The following PTPRD variants were observed in gnomAD, a reference collection of about 807,000 sequenced individuals.
PTPRD encodes the protein receptor-type tyrosine-protein phosphatase delta.
PTPRD carries 34 observed loss-of-function variants against 214.5 expected under a neutral mutation model. The observed-to-expected ratio is 0.16, with a 90% CI of 0.12 to 0.21. The LOEUF (loss-of-function observed/expected upper bound fraction) is 0.21, where lower values mean the gene tolerates loss of function less well. Ranked by LOEUF, PTPRD falls within the 10% of genes least tolerant of loss-of-function variation. The probability of loss-of-function intolerance (pLI) is 1.00; values close to 1 mark genes in which losing one functional copy is unlikely to be tolerated. For synonymous variants in PTPRD, 1,128 were observed against 845.7 expected (o/e 1.33, Z -5.79); for missense variants, 2,545 against 2,398.7 (o/e 1.06, Z -1.27).
intron 35 of PTPRD, among the ~76,000 whole-genome samples, chr9:8,414,830 G>C (rs985560791): frequency 3.4e-5 from 5 of 145,356 alleles, no homozygotes; most frequent in African/African-American, 1.3e-4. Flanking sequence ...CATCAGTCAG[G>C]CATGTACATG....
chr9:9,992,681 C>A (rs1200049754), intron 4 of PTPRD, among the ~76,000 whole-genome samples: 1 of 151,966 alleles, frequency 6.6e-6, no homozygotes, highest in South Asian at 2.1e-4. Context: ...ACCATCATTA[C>A]GAGCAAACTA....
intron 10 of PTPRD, among the ~76,000 whole-genome samples, chr9:9,121,394 G>A (rs1167638257): frequency 6.6e-6 from 1 of 152,024 alleles, no homozygotes; most frequent in Non-Finnish European, 1.5e-5. Context: ...AGCAGCACAA[G>A]TCACAATAGG....
chr9:10,451,490 G>T (rs2098841306), intron 2 of PTPRD, among the ~76,000 whole-genome samples: 1 of 151,380 alleles, frequency 6.6e-6, no homozygotes, highest in South Asian at 2.1e-4. Flanking sequence ...TTGAATCTTG[G>T]TCCTTTCTAC....
chr9:9,927,143 A>G (rs2084607054), intron 5 of PTPRD, among the ~76,000 whole-genome samples: 1 of 152,188 alleles, frequency 6.6e-6, no homozygotes, highest in African/African-American at 2.4e-5. Flanking sequence ...AGTATAAAAT[A>G]TTGAGTATTT....
At chr9:10,422,312 G>A (rs2098553081) in intron 2 of PTPRD, among the ~76,000 whole-genome samples, 1 of 152,030 alleles carries the variant, frequency 6.6e-6, no homozygotes, top group African/African-American at 2.4e-5. Flanking sequence ...ATTAATTCAA[G>A]ATGGATTAAA....
intron 7 of PTPRD, among the ~76,000 whole-genome samples, chr9:9,685,326 C>T (rs1214314545): frequency 6.6e-6 from 1 of 150,910 alleles, no homozygotes; most frequent in Non-Finnish European, 1.5e-5. Context: ...ATGGAATCCA[C>T]ATATATGCAC....
chr9:9,671,141 C>T (rs2096825189), intron 7 of PTPRD, among the ~76,000 whole-genome samples: 1 of 152,136 alleles, frequency 6.6e-6, no homozygotes. Flanking sequence ...CTGCCCAAGA[C>T]CATGGGAAGC....
In PTPRD at chr9:9,992,425, T is replaced by C. The variant is rs1054824683; in HGVS notation, c.-472+41293A>G. Among the ~76,000 whole-genome samples the C allele has an allele frequency of 2.6e-5, 4 of 152,186 alleles. No homozygotes were observed. The South Asian group carries it at 6.2e-4, about 24-fold the overall frequency. On this transcript the variant is annotated intron_variant, in intron 4 of 45. Coordinates refer to ENST00000381196, the MANE Select transcript of PTPRD (RefSeq NM_002839.4). ...CAAGGATCTAGAACTAGAAATTCCA[T>C]TTGACCCAGCCATCCCATTACTGGG...
At chr9:9,902,009 T>A (rs78776919) in intron 5 of PTPRD, among the ~76,000 whole-genome samples, 1 of 152,198 alleles carries the variant, frequency 6.6e-6, no homozygotes, top group South Asian at 2.1e-4. Context: ...GTTAGTATCA[T>A]ATGAACTCTT....
At chr9:10,287,575 G>T (rs937024763) in intron 3 of PTPRD, among the ~76,000 whole-genome samples, 11 of 152,062 alleles carry the variant, frequency 7.2e-5, no homozygotes, top group Non-Finnish European at 1.5e-4. Context: ...GAGTAGCAAG[G>T]TGTCAGGTGG....
chr9:9,489,305 G>T (rs2095800030), intron 8 of PTPRD, among the ~76,000 whole-genome samples: 2 of 152,260 alleles, frequency 1.3e-5, no homozygotes, highest in South Asian at 2.1e-4. Flanking sequence ...GTGGAAAAGA[G>T]AATCTGAGTT....
At chr9:9,155,633 C>A (rs1471265185) in intron 10 of PTPRD, among the ~76,000 whole-genome samples, 1 of 152,138 alleles carries the variant, frequency 6.6e-6, no homozygotes, top group Admixed American at 6.6e-5. Context: ...GGGCTACATT[C>A]ATCCTTGGAA....
intron 14 of PTPRD, among the ~76,000 whole-genome samples, chr9:8,615,412 A>G (rs2095579386): frequency 3.3e-5 from 5 of 152,158 alleles, no homozygotes; most frequent in Admixed American, 3.3e-4. Context: ...CCACTATTTA[A>G]ACATGAAGAA....
At chr9:9,114,900 G>C (rs1473672790) in intron 10 of PTPRD, among the ~76,000 whole-genome samples, 1 of 152,052 alleles carries the variant, frequency 6.6e-6, no homozygotes, top group African/African-American at 2.4e-5. Flanking sequence ...ACGTTCTCTT[G>C]AATTTGAATT....
At chr9:10,459,502 T>C (rs971690034) in intron 2 of PTPRD, among the ~76,000 whole-genome samples, 31 of 152,286 alleles carry the variant, frequency 2.0e-4, no homozygotes, top group African/African-American at 7.2e-4. Flanking sequence ...GTTGAACTAA[T>C]TTACACTCCC....
In PTPRD at chr9:8,733,945, G is replaced by T; in HGVS notation, c.-102C>A. On this transcript the variant is annotated splice_region_variant and 5_prime_UTR_variant, in exon 12 of 46. Transcript: ENST00000381196. Reference sequence around the variant, plus strand: ...AAATTTCAGCTGGAACACTTTCAGAGCCTGAAAGCGGGGAGGAAGAGAAAA... The same window carrying T: ...AAATTTCAGCTGGAACACTTTCAGATCCTGAAAGCGGGGAGGAAGAGAAAA... The T allele has an allele frequency of 8.6e-7, 1 of 1,163,924 alleles. No individual in the cohort carries two copies. 72.1% of individuals were successfully genotyped at this position (1,163,924 alleles called of 1,614,324 possible). A position where few individuals can be genotyped will look rare whatever the true frequency, so the allele number is the denominator to read the frequency against.
chr9:8,870,684 T>C (rs1031984621), intron 11 of PTPRD, among the ~76,000 whole-genome samples: 5 of 38,252 alleles, frequency 1.3e-4, no homozygotes, highest in Non-Finnish European at 2.6e-4. Context: ...GACACAGACA[T>C]GAAACACACA....
At chr9:9,284,696 G>C (rs1392203655) in intron 9 of PTPRD, among the ~76,000 whole-genome samples, 4 of 151,820 alleles carry the variant, frequency 2.6e-5, no homozygotes, top group South Asian at 2.1e-4. Flanking sequence ...TGAAAATGAA[G>C]ACAGCCTTTT....
chr9:8,518,890 T>C (rs535277029), intron 20 of PTPRD, among the ~76,000 whole-genome samples: 3 of 152,332 alleles, frequency 2.0e-5, no homozygotes, highest in African/African-American at 4.8e-5. Flanking sequence ...GCTGCAGTTA[T>C]TACTATTATT....
Sources: allele counts gnomAD v4.1 joint callset (sites outside exome capture counted in the v4.1 genomes callset), GRCh38; gene constraint gnomAD v4.1.1; transcripts MANE v1.5; gene names NCBI Gene and HGNC (gene_info 2026-07-23, HGNC 2026-07-21).